Variants in ARID4A observed in about 807,000 individuals in gnomAD.
The protein encoded by ARID4A is AT-rich interaction domain 4A.
ARID4A carries 39 observed loss-of-function variants against 148.6 expected under a neutral mutation model. That is an observed-to-expected ratio of 0.26 (90% CI 0.20 to 0.34). ARID4A has a LOEUF of 0.34. Among genes scored for constraint, ARID4A ranks in the 10% least tolerant of loss-of-function variants. The probability of loss-of-function intolerance (pLI) is 1.00; values close to 1 mark genes in which losing one functional copy is unlikely to be tolerated. For missense variants in ARID4A, 1,265 were observed against 1,449.1 expected, an observed-to-expected ratio of 0.87 and a Z score of 2.06; for synonymous variants, 475 against 481.2, an observed-to-expected ratio of 0.99 and a Z score of 0.17.
intron 16 of ARID4A, among the ~76,000 whole-genome samples, chr14:58,352,864 C>T (rs972283645): frequency 6.6e-6 from 1 of 152,016 alleles, no homozygotes; most frequent in African/African-American, 2.4e-5. Flanking sequence ...GTATTTTTAG[C>T]TCTCCCTGTG....
chr14:58,312,655 AATG>A (rs2032128422), intron 5 of ARID4A, among the ~76,000 whole-genome samples: 1 of 152,264 alleles, frequency 6.6e-6, no homozygotes, highest in Admixed American at 6.5e-5. Context: ...ATATAACAAT[AATG>A]ATACTTAATT....
intron 23 of ARID4A, among the ~76,000 whole-genome samples, chr14:58,368,884 G>T (rs2035478007): frequency 6.6e-6 from 1 of 152,170 alleles, no homozygotes; most frequent in Non-Finnish European, 1.5e-5. Flanking sequence ...CACCACGTTG[G>T]TGCTCAAAAG....
At chr14:58,319,101 C>T (rs544831082) in intron 7 of ARID4A, among the ~76,000 whole-genome samples, 1 of 152,272 alleles carries the variant, frequency 6.6e-6, no homozygotes, top group South Asian at 2.1e-4. Context: ...GCTCTGTTGC[C>T]CAGGCTGGAG....
Position 58,351,032 on chromosome 14 carries a change from T to G in ARID4A, c.1405-41T>G, listed in dbSNP as rs1251466188. ...TATTTTTTCCTGCTTTTTTCCCCTT[T>G]ATAGTGATAGCTATTTTAAAGCTTT... On this transcript the variant is annotated intron_variant, in intron 15 of 23. Coordinates refer to ENST00000355431, the MANE Select transcript of ARID4A (RefSeq NM_002892.4). The G allele has an allele frequency of 5.2e-6, 8 of 1,550,050 alleles. No individual in the cohort carries two copies. The African/African-American group carries it at 9.7e-5, about 19-fold the overall frequency.
At chr14:58,328,207 G>C in intron 8 of ARID4A, 30 bp from the exon 9 acceptor site, 1 of 1,443,922 alleles carries the variant, frequency 6.9e-7, no homozygotes, top group Middle Eastern at 1.8e-4. Flanking sequence ...CAGGAAATAG[G>C]AATCAATCTG....
At chr14:58,309,504 C>T (rs1192866398) in intron 5 of ARID4A, among the ~76,000 whole-genome samples, 2 of 152,186 alleles carry the variant, frequency 1.3e-5, no homozygotes, top group Non-Finnish European at 2.9e-5. Flanking sequence ...ATTCATACCT[C>T]TATCCAGCCC....
At chr14:58,317,458 T>C (rs2140160218) in intron 5 of ARID4A, among the ~76,000 whole-genome samples, 1 of 150,400 alleles carries the variant, frequency 6.6e-6, no homozygotes, top group South Asian at 2.1e-4. Flanking sequence ...CTAATTTTTT[T>C]TGTATTTTTA....
chr14:58,362,050 G>A (rs2035155823), intron 19 of ARID4A, among the ~76,000 whole-genome samples: 1 of 152,082 alleles, frequency 6.6e-6, no homozygotes, highest in Non-Finnish European at 1.5e-5. Context: ...TTTAATAGAA[G>A]GTGAATTGAC....
intron 11 of ARID4A, among the ~76,000 whole-genome samples, chr14:58,343,870 A>G (rs867872654): frequency 6.6e-6 from 1 of 152,108 alleles, no homozygotes; most frequent in Non-Finnish European, 1.5e-5. Context: ...TTCTTTTAGA[A>G]CAGAGGAGAG....
At chr14:58,349,924 C>T (rs1004190304) in intron 15 of ARID4A, among the ~76,000 whole-genome samples, 11 of 151,824 alleles carry the variant, frequency 7.2e-5, no homozygotes, top group South Asian at 2.1e-4. Flanking sequence ...TCCTGGCCAA[C>T]GTGGTGAAAC....
rs1256749564 is a variant in ARID4A at position 58,305,878 on chromosome 14, A to G, written c.184-144A>G. 4.8e-6 allele frequency: 3 copies of G among 625,352 alleles called. No homozygotes were observed. The African/African-American group carries it at 5.6e-5, about 12-fold the overall frequency. 38.7% of individuals were successfully genotyped at this position (625,352 alleles called of 1,614,324 possible). On this transcript the variant is annotated intron_variant, in intron 4 of 23. Coordinates refer to ENST00000355431, the MANE Select transcript of ARID4A (RefSeq NM_002892.4). ...ATTGCATAATAAATAGATAAGTACT[A>G]TGAATGATAAAGATCTCAGACAGTG...
intron 5 of ARID4A, among the ~76,000 whole-genome samples, chr14:58,316,371 C>T (rs941993697): frequency 3.9e-5 from 6 of 152,060 alleles, no homozygotes; most frequent in East Asian, 1.9e-4. Flanking sequence ...TTATTCATAA[C>T]CTGGGGCAAT....
At chr14:58,357,110 G>A (rs2034906869) in intron 17 of ARID4A, among the ~76,000 whole-genome samples, 1 of 152,120 alleles carries the variant, frequency 6.6e-6, no homozygotes, top group Admixed American at 6.5e-5. Flanking sequence ...AACCAGTACT[G>A]TACAGTGTAT....
intron 23 of ARID4A, among the ~76,000 whole-genome samples, chr14:58,368,155 G>T (rs1201658970): frequency 6.6e-6 from 1 of 152,206 alleles, no homozygotes; most frequent in Admixed American, 6.5e-5. Context: ...ACAGCTGAGG[G>T]TAATGATTAA....
At chr14:58,340,135 G>A (rs767648978) in intron 11 of ARID4A, among the ~76,000 whole-genome samples, 6 of 152,186 alleles carry the variant, frequency 3.9e-5, no homozygotes, top group South Asian at 2.1e-4. Context: ...ATGAATAATC[G>A]TTCATTTTCA....
chr14:58,367,038 A>G lies in ARID4A; in HGVS notation c.3670+9A>G. The G allele has an allele frequency of 6.8e-7, 1 of 1,477,308 alleles. No individual in the cohort carries two copies. The highest frequency in any genetic ancestry group is 1.5e-5 in the South Asian group (1 of 66,496). 91.5% of individuals were successfully genotyped at this position (1,477,308 alleles called of 1,614,324 possible). On this transcript the variant is annotated intron_variant, in intron 23 of 23. Transcript: ENST00000355431. ...AAAGAAAGACAGGGAAGGTAATTTTATTATGATTTTTCTCCCCTTATATTT... is the reference window on the plus strand; with the variant it reads ...AAAGAAAGACAGGGAAGGTAATTTTGTTATGATTTTTCTCCCCTTATATTT...
rs1027162294 is a variant in ARID4A at position 58,355,919 on chromosome 14, G to A, written c.1853+2064G>A. Among the ~76,000 whole-genome samples the A allele has an allele frequency of 8.6e-5, 13 of 151,396 alleles. No homozygotes were observed. The East Asian group carries it at 1.6e-3, about 18-fold the overall frequency. On this transcript the variant is annotated intron_variant, in intron 17 of 23. Transcript: ENST00000355431. ...CTTCTCAGCAGTCATTTTATTATAC[G>A]CTCAGGTTTTGGATTAGTCATCTCT...
intron 15 of ARID4A, 112 bp from the exon 16 acceptor site, chr14:58,350,961 C>A: frequency 9.2e-7 from 1 of 1,090,758 alleles, no homozygotes; most frequent in Non-Finnish European, 1.3e-6. Flanking sequence ...GTTTTCAGGG[C>A]CACGTTTCAA....
intron 5 of ARID4A, among the ~76,000 whole-genome samples, chr14:58,316,447 C>T (rs1309129250): frequency 6.6e-6 from 1 of 152,084 alleles, no homozygotes; most frequent in Non-Finnish European, 1.5e-5. Context: ...AATCAGAATA[C>T]AGTCTCAAAA....
Sources: allele counts gnomAD v4.1 joint callset (sites outside exome capture counted in the v4.1 genomes callset), GRCh38; gene constraint gnomAD v4.1.1; transcripts MANE v1.5; gene names NCBI Gene and HGNC (gene_info 2026-07-23, HGNC 2026-07-21).